LRRC4C: variants seen among roughly 807,000 people sequenced by gnomAD.
LRRC4C encodes leucine-rich repeat-containing protein 4C.
Under a neutral mutation model 33.6 loss-of-function variants are expected in LRRC4C, and 5 were observed. The observed-to-expected ratio is 0.15, with a 90% CI of 0.08 to 0.31. The LOEUF (loss-of-function observed/expected upper bound fraction) is 0.31. Ranked by LOEUF, LRRC4C falls within the 10% of genes least tolerant of loss-of-function variation. The pLI, the probability that LRRC4C is intolerant of heterozygous loss-of-function variation, is 1.00. For missense variants in LRRC4C, 560 were observed against 796.7 expected (o/e 0.70, Z 3.58); for synonymous variants, 329 against 302.0 (o/e 1.09, Z -0.93).
intron 1 of LRRC4C, among the ~76,000 whole-genome samples, chr11:40,943,183 G>T (rs2136617303): frequency 6.6e-6 from 1 of 152,288 alleles, no homozygotes; most frequent in Non-Finnish European, 1.5e-5. Context: ...CAGAAGAAAT[G>T]ACTAAATAAC....
chr11:41,261,816 T>G (rs773223214), intron 1 of LRRC4C, among the ~76,000 whole-genome samples: 4 of 152,118 alleles, frequency 2.6e-5, no homozygotes, highest in Non-Finnish European at 5.9e-5. Context: ...GAGATCATAT[T>G]CAATGTGTTT....
intron 1 of LRRC4C, among the ~76,000 whole-genome samples, chr11:41,033,595 G>A (rs550250697): frequency 6.6e-6 from 1 of 152,120 alleles, no homozygotes; most frequent in African/African-American, 2.4e-5. Flanking sequence ...CTGGGCATTT[G>A]TCCACTGGTT....
chr11:41,377,097 G>A (rs1591382612), intron 1 of LRRC4C, among the ~76,000 whole-genome samples: 1 of 152,178 alleles, frequency 6.6e-6, no homozygotes, highest in Admixed American at 6.5e-5. Flanking sequence ...AGGGAATCAA[G>A]TTTGTGCAGA....
intron 4 of LRRC4C, among the ~76,000 whole-genome samples, chr11:40,300,512 G>T (rs982955611): frequency 6.6e-6 from 1 of 152,182 alleles, no homozygotes; most frequent in Non-Finnish European, 1.5e-5. Context: ...TAGATGCCAT[G>T]TACAGATCCA....
chr11:40,318,635 T>C (rs948300261), intron 4 of LRRC4C, among the ~76,000 whole-genome samples: 1 of 152,184 alleles, frequency 6.6e-6, no homozygotes, highest in Non-Finnish European at 1.5e-5. Flanking sequence ...ACGGGTTGTT[T>C]ATTAAATTAG....
intron 1 of LRRC4C, among the ~76,000 whole-genome samples, chr11:41,091,972 A>G (rs1194107718): frequency 6.6e-6 from 1 of 152,166 alleles, no homozygotes; most frequent in Admixed American, 6.5e-5. Context: ...GTTGCACTAA[A>G]TATGCAGAAT....
At chr11:41,030,544 A>G (rs1856660379) in intron 1 of LRRC4C, among the ~76,000 whole-genome samples, 1 of 151,858 alleles carries the variant, frequency 6.6e-6, no homozygotes, top group Non-Finnish European at 1.5e-5. Context: ...GTCATAGAAC[A>G]TGCTAAAGTG....
intron 2 of LRRC4C, among the ~76,000 whole-genome samples, chr11:40,708,780 G>A (rs1264447047): frequency 6.6e-6 from 1 of 152,058 alleles, no homozygotes. Flanking sequence ...CTTCTGTCTT[G>A]TTGATCTGTC....
intron 2 of LRRC4C, among the ~76,000 whole-genome samples, chr11:40,734,683 T>C (rs1466563432): frequency 6.6e-6 from 1 of 152,040 alleles, no homozygotes; most frequent in East Asian, 1.9e-4. Flanking sequence ...GTTCTTTGAA[T>C]AAAGAAACAT....
At chr11:40,756,384 G>C (rs775173564) in intron 2 of LRRC4C, among the ~76,000 whole-genome samples, 22 of 151,930 alleles carry the variant, frequency 1.4e-4, no homozygotes, top group Non-Finnish European at 2.4e-4. Context: ...CACCTCTTTG[G>C]TAAACCTTGT....
At chr11:40,984,893 CTTTTTTTTTTTTT>C (rs562785410) in intron 1 of LRRC4C, among the ~76,000 whole-genome samples, 21 of 52,246 alleles carry the variant, frequency 4.0e-4, no homozygotes, top group African/African-American at 9.5e-4. Context: ...CTCACTGACA[CTTTTTTTTTTTTT>C]TTTTTTTTTT....
intron 2 of LRRC4C, among the ~76,000 whole-genome samples, chr11:40,899,881 C>T (rs1408238669): frequency 1.3e-5 from 2 of 152,064 alleles, no homozygotes; most frequent in African/African-American, 4.8e-5. Flanking sequence ...CAGACTTTTT[C>T]CATTTTAAAG....
chr11:40,208,633 C>T (rs1863338999), intron 5 of LRRC4C, among the ~76,000 whole-genome samples: 1 of 152,054 alleles, frequency 6.6e-6, no homozygotes, highest in South Asian at 2.1e-4. Context: ...CTTATATATC[C>T]CTGTTAGTAT....
intron 3 of LRRC4C, among the ~76,000 whole-genome samples, chr11:40,539,564 A>G (rs1813266486): frequency 6.6e-6 from 1 of 152,102 alleles, no homozygotes; most frequent in African/African-American, 2.4e-5. Flanking sequence ...GAATTTGAAT[A>G]TACAAATTCA....
In LRRC4C at chr11:40,607,530, G is replaced by A. The variant is rs1201065246; in HGVS notation, c.-270+40612C>T. The stretch of plus-strand genomic sequence containing the variant: ...AAAGGCAGAATGACGCAGATGGTGA[G>A]GGAAATTTGGTTGAGGGCCATCAGA... On this transcript the variant is annotated intron_variant, in intron 3 of 6. Transcript: ENST00000528697. Among the ~76,000 whole-genome samples the A allele has an allele frequency of 4.6e-5, 7 of 152,142 alleles. 1 individual carries two copies. The highest frequency in any genetic ancestry group is 7.3e-5 in the Non-Finnish European group (5 of 68,032).
chr11:41,336,599 C>T (rs1951463440), intron 1 of LRRC4C, among the ~76,000 whole-genome samples: 1 of 152,172 alleles, frequency 6.6e-6, no homozygotes, highest in South Asian at 2.1e-4. Flanking sequence ...TTCATTCACC[C>T]TTCCTACTGT....
At chr11:40,211,896 G>C (rs1863630368) in intron 5 of LRRC4C, among the ~76,000 whole-genome samples, 1 of 152,174 alleles carries the variant, frequency 6.6e-6, no homozygotes, top group Admixed American at 6.5e-5. Context: ...TGAGAGCTTT[G>C]TATTAGAATG....
intron 1 of LRRC4C, among the ~76,000 whole-genome samples, chr11:41,150,439 C>T (rs952372289): frequency 5.9e-5 from 9 of 152,118 alleles, no homozygotes; most frequent in African/African-American, 1.2e-4. Context: ...TAAATATCTC[C>T]GATTTTTGCT....
intron 3 of LRRC4C, among the ~76,000 whole-genome samples, chr11:40,365,104 A>T (rs898188892): frequency 5.8e-4 from 81 of 139,884 alleles, no homozygotes; most frequent in African/African-American, 2.0e-3. Flanking sequence ...AACTGGATCC[A>T]CAAAGAAAAA....
Sources: allele counts gnomAD v4.1 joint callset (sites outside exome capture counted in the v4.1 genomes callset), GRCh38; gene constraint gnomAD v4.1.1; transcripts MANE v1.5; gene names NCBI Gene and HGNC (gene_info 2026-07-23, HGNC 2026-07-21).